The following LDB2 variants were observed in gnomAD, a reference collection of about 807,000 sequenced individuals.
LDB2 encodes LIM domain-binding protein 2.
Under a neutral mutation model 44.3 loss-of-function variants are expected in LDB2, and 12 were observed. That is an observed-to-expected ratio of 0.27 (90% confidence interval 0.17 to 0.44). The LOEUF is 0.44. Among genes scored for constraint, LDB2 ranks in the 20% least tolerant of loss-of-function variants. The probability of loss-of-function intolerance (pLI) is 1.00; values close to 1 mark genes in which losing one functional copy is unlikely to be tolerated. For missense variants in LDB2, 344 were observed against 473.5 expected (o/e 0.73, Z 2.54); for synonymous variants, 164 against 174.8 (o/e 0.94, Z 0.49).
At chr4:16,660,520 T>C (rs1401339329) in intron 2 of LDB2, among the ~76,000 whole-genome samples, 1 of 152,160 alleles carries the variant, frequency 6.6e-6, no homozygotes. Context: ...AAAATGTCCA[T>C]ATGGAAGTAG....
chr4:16,838,515 G>C (rs1220911805), intron 1 of LDB2, among the ~76,000 whole-genome samples: 1 of 152,192 alleles, frequency 6.6e-6, no homozygotes, highest in Non-Finnish European at 1.5e-5. Flanking sequence ...ACCTACAGCT[G>C]AGAGTTTTGG....
intron 1 of LDB2, among the ~76,000 whole-genome samples, chr4:16,786,679 T>G (rs1774492345): frequency 6.6e-6 from 1 of 152,216 alleles, no homozygotes; most frequent in African/African-American, 2.4e-5. Context: ...GGAGTGGGAT[T>G]GGGCTACCAG....
rs143143832 is a variant in LDB2, at chr4:16,836,473, C to A, written c.132+61881G>T. Among the ~76,000 whole-genome samples, 195 of 152,292 alleles carry A rather than the reference C, an allele frequency of 1.3e-3. 1 individual carries two copies. The highest frequency in any genetic ancestry group is 4.5e-3 in the African/African-American group (187 of 41,566). Reference sequence around the variant, plus strand: ...CAAATTTACCTCCTCTACCTAGATGCCCAGATGTCAAAGCTCTCCAAATTT... The same window carrying A: ...CAAATTTACCTCCTCTACCTAGATGACCAGATGTCAAAGCTCTCCAAATTT... On this transcript the variant is annotated intron_variant, in intron 1 of 7. Transcript: ENST00000304523.
intron 1 of LDB2, among the ~76,000 whole-genome samples, chr4:16,863,024 A>C (rs986744549): frequency 2.0e-5 from 3 of 152,170 alleles, no homozygotes; most frequent in African/African-American, 4.8e-5. Context: ...GCATCGTTGG[A>C]GTCACAGAGG....
At chr4:16,514,076 C>T (rs951102482) in intron 5 of LDB2, among the ~76,000 whole-genome samples, 3 of 152,134 alleles carry the variant, frequency 2.0e-5, no homozygotes, top group Non-Finnish European at 4.4e-5. Flanking sequence ...GGCCTTGCTG[C>T]GTTTCCCTAT....
chr4:16,666,505 T>A (rs575294610), intron 2 of LDB2, among the ~76,000 whole-genome samples: 1 of 152,208 alleles, frequency 6.6e-6, no homozygotes, highest in East Asian at 1.9e-4. Flanking sequence ...GGAATAAACA[T>A]GAGCTTCCTG....
intron 1 of LDB2, among the ~76,000 whole-genome samples, chr4:16,765,150 G>C (rs1268714436): frequency 6.6e-6 from 1 of 152,190 alleles, no homozygotes; most frequent in Non-Finnish European, 1.5e-5. Context: ...GCACATCTGG[G>C]ACTGGCAGAT....
intron 2 of LDB2, among the ~76,000 whole-genome samples, chr4:16,732,378 T>G (rs1561028313): frequency 6.6e-6 from 1 of 152,242 alleles, no homozygotes. Flanking sequence ...ACTTCATTAG[T>G]GTGGATTTGA....
At chr4:16,546,749 C>T (rs1735910270) in intron 5 of LDB2, among the ~76,000 whole-genome samples, 1 of 152,200 alleles carries the variant, frequency 6.6e-6, no homozygotes, top group Non-Finnish European at 1.5e-5. Context: ...TTTAACCTTG[C>T]TGTCCATGTC....
At chr4:16,750,302 T>C (rs2109099204) in intron 2 of LDB2, among the ~76,000 whole-genome samples, 1 of 152,318 alleles carries the variant, frequency 6.6e-6, no homozygotes, top group Middle Eastern at 3.4e-3. Flanking sequence ...TATGGGTCTG[T>C]CTCCCTTGTT....
At chr4:16,680,738 C>G (rs950847945) in intron 2 of LDB2, among the ~76,000 whole-genome samples, 1 of 152,130 alleles carries the variant, frequency 6.6e-6, no homozygotes, top group Non-Finnish European at 1.5e-5. Flanking sequence ...TTTTAAATAA[C>G]CTGCACAGTA....
intron 1 of LDB2, among the ~76,000 whole-genome samples, chr4:16,854,504 TACAC>T (rs61445499): frequency 0.046 from 6,648 of 145,234 alleles, 207 homozygotes; most frequent in Non-Finnish European, 0.068. Flanking sequence ...TAAATATAAA[TACAC>T]ACACACACAC....
At chr4:16,676,128 G>A (rs933342921) in intron 2 of LDB2, among the ~76,000 whole-genome samples, 25 of 152,284 alleles carry the variant, frequency 1.6e-4, no homozygotes, top group African/African-American at 5.8e-4. Flanking sequence ...ATTTCCCACC[G>A]CAGGGCGTGG....
At chr4:16,686,952 A>C (rs1749399576) in intron 2 of LDB2, among the ~76,000 whole-genome samples, 1 of 151,852 alleles carries the variant, frequency 6.6e-6, no homozygotes, top group South Asian at 2.1e-4. Flanking sequence ...TTGGTCTCTT[A>C]TTCCTCTTCC....
chr4:16,719,111 G>A (rs903954688), intron 2 of LDB2, among the ~76,000 whole-genome samples: 1 of 151,592 alleles, frequency 6.6e-6, no homozygotes, highest in Admixed American at 6.6e-5. Context: ...TTTCTACTCA[G>A]TGGACAAACT....
At chr4:16,628,178 C>T (rs13137936) in intron 2 of LDB2, among the ~76,000 whole-genome samples, 77,142 of 151,966 alleles carry the variant, frequency 0.51, 19,781 homozygotes, top group Middle Eastern at 0.66. Flanking sequence ...AACTTCTAAA[C>T]GCTTGTAAAC....
At chr4:16,568,080 T>C (rs1452493961) in intron 5 of LDB2, among the ~76,000 whole-genome samples, 1 of 152,214 alleles carries the variant, frequency 6.6e-6, no homozygotes, top group East Asian at 1.9e-4. Context: ...AAATAGTGAA[T>C]ATTTAACAAT....
chr4:16,748,766 A>C (rs1764867757), intron 2 of LDB2, among the ~76,000 whole-genome samples: 1 of 152,204 alleles, frequency 6.6e-6, no homozygotes, highest in Non-Finnish European at 1.5e-5. Flanking sequence ...ATTTTTCCAA[A>C]TGCTTTACGT....
At chr4:16,624,334 C>T (rs991009594) in intron 2 of LDB2, among the ~76,000 whole-genome samples, 1 of 152,070 alleles carries the variant, frequency 6.6e-6, no homozygotes, top group Non-Finnish European at 1.5e-5. Context: ...TGGGCTCAAG[C>T]AATACACCTG....
Sources: allele counts gnomAD v4.1 joint callset (sites outside exome capture counted in the v4.1 genomes callset), GRCh38; gene constraint gnomAD v4.1.1; transcripts MANE v1.5; gene names NCBI Gene and HGNC (gene_info 2026-07-23, HGNC 2026-07-21).